MLLT3: variants seen among roughly 807,000 people sequenced by gnomAD.
MLLT3 encodes protein AF-9.
In MLLT3, 4 loss-of-function variants were observed where a neutral mutation model predicts 53.2. The ratio of observed to expected loss-of-function variants is 0.08; its 90% confidence interval spans 0.04 to 0.17. The LOEUF is 0.17. MLLT3 is among the 10% of genes least tolerant of loss of function. The pLI is 1.00. For missense variants in MLLT3, 569 were observed against 684.0 expected (o/e 0.83, Z 1.87); for synonymous variants, 283 against 230.6 (o/e 1.23, Z -2.06).
intron 2 of MLLT3, among the ~76,000 whole-genome samples, chr9:20,563,517 G>A (rs1013399438): frequency 6.6e-6 from 1 of 152,054 alleles, no homozygotes; most frequent in African/African-American, 2.4e-5. Context: ...TGCACAAGGA[G>A]AGAACAGCTC....
At chr9:20,435,035 C>T (rs1823367943) in intron 4 of MLLT3, among the ~76,000 whole-genome samples, 1 of 152,010 alleles carries the variant, frequency 6.6e-6, no homozygotes, top group South Asian at 2.1e-4. Flanking sequence ...TTGTTTTTGC[C>T]ATCCTTAGTC....
chr9:20,385,499 A>C (rs1822011784), intron 5 of MLLT3, among the ~76,000 whole-genome samples: 1 of 152,206 alleles, frequency 6.6e-6, no homozygotes, highest in South Asian at 2.1e-4. Context: ...AATTTTTACA[A>C]TAATTATGTT....
chr9:20,357,110 A>C (rs1250369717), intron 8 of MLLT3, among the ~76,000 whole-genome samples: 2 of 152,238 alleles, frequency 1.3e-5, no homozygotes, highest in African/African-American at 4.8e-5. Context: ...TGTCTTCCAC[A>C]GGCTTATTTT....
In MLLT3 at chr9:20,352,976, A is replaced by G. The variant is rs1821071891; in HGVS notation, c.1575+549T>C. 2.0e-5 allele frequency among the ~76,000 whole-genome samples: 3 copies of G among 152,128 alleles called. No homozygotes were observed. The South Asian group carries it at 6.2e-4, about 32-fold the overall frequency. On this transcript the variant is annotated intron_variant, in intron 10 of 10. Coordinates refer to ENST00000380338, the MANE Select transcript of MLLT3 (RefSeq NM_004529.4). Reference sequence around the variant, plus strand: ...TTATCTTCTCAAAACATCAAATTATACTAATAGAAGTTTCCCCACTCTACA... The same window carrying G: ...TTATCTTCTCAAAACATCAAATTATGCTAATAGAAGTTTCCCCACTCTACA...
rs370573981 is a variant in MLLT3, at chr9:20,456,826, T to C, written c.194-40A>G. On this transcript the variant is annotated intron_variant, in intron 2 of 10. Coordinates refer to ENST00000380338, the MANE Select transcript of MLLT3 (RefSeq NM_004529.4). Reference sequence around the variant, plus strand: ...AAGAAAATAGGTAAGATGAGAATAATAGACAAAAAGACATTCTTCTTTTAA... The same window carrying C: ...AAGAAAATAGGTAAGATGAGAATAACAGACAAAAAGACATTCTTCTTTTAA... The C allele has an allele frequency of 7.4e-4, 1,033 of 1,387,104 alleles. 2 individuals are homozygous for C. Among genetic ancestry groups the C allele is most frequent in the Non-Finnish European group, 8.7e-4 (882 of 1,009,856 alleles). 85.9% of individuals were successfully genotyped at this position (1,387,104 alleles called of 1,614,324 possible).
chr9:20,420,064 G>C (rs559576049), intron 4 of MLLT3, among the ~76,000 whole-genome samples: 29 of 151,886 alleles, frequency 1.9e-4, no homozygotes, highest in African/African-American at 6.8e-4. Context: ...TTATGTTAAA[G>C]TGGAATAAAA....
In MLLT3 at chr9:20,343,441, G is replaced by C; in HGVS notation, c.*3002C>G. On this transcript the variant is annotated 3_prime_UTR_variant, in exon 11 of 11. Coordinates refer to ENST00000380338, the MANE Select transcript of MLLT3 (RefSeq NM_004529.4). ...CTATTTGTCTGTATTAAGATTGAGA[G>C]AGAGGCAGATTATGCTGAGGATGGT... 1 of 222,498 alleles carries C rather than the reference G, an allele frequency of 4.5e-6. No homozygotes were observed. Among genetic ancestry groups the C allele is most frequent in the East Asian group, 6.5e-5 (1 of 15,338 alleles). 13.8% of individuals were successfully genotyped at this position (222,498 alleles called of 1,614,324 possible). A position where few individuals can be genotyped will look rare whatever the true frequency, so the allele number is the denominator to read the frequency against.
At chr9:20,360,706 T>C (rs373610305) in intron 8 of MLLT3, 36 bp downstream of exon 8, 42 of 1,512,174 alleles carry the variant, frequency 2.8e-5, no homozygotes, top group South Asian at 4.5e-5. Flanking sequence ...CACCTAGCTC[T>C]GCAGAGTCTT....
At chr9:20,522,520 T>G (rs1318195016) in intron 2 of MLLT3, among the ~76,000 whole-genome samples, 1 of 152,184 alleles carries the variant, frequency 6.6e-6, no homozygotes, top group Admixed American at 6.5e-5. Context: ...TTTACTACCC[T>G]TTTGAGGTCA....
chr9:20,566,412 T>C (rs1344842180), intron 2 of MLLT3, among the ~76,000 whole-genome samples: 1 of 152,124 alleles, frequency 6.6e-6, no homozygotes, highest in East Asian at 1.9e-4. Context: ...AATACACGCT[T>C]AGGACAAGTT....
intron 2 of MLLT3, among the ~76,000 whole-genome samples, chr9:20,501,802 C>A (rs1825241549): frequency 6.9e-6 from 1 of 144,422 alleles, no homozygotes; most frequent in South Asian, 2.2e-4. Context: ...CCCAAGAGGT[C>A]AGGCGAGGTG....
At chr9:20,368,731 TTTATTCATCATTTATGATTAAGA>T (rs1181856962) in intron 5 of MLLT3, among the ~76,000 whole-genome samples, 1 of 152,194 alleles carries the variant, frequency 6.6e-6, no homozygotes, top group African/African-American at 2.4e-5. Flanking sequence ...AAAAGGGCTT[TTTATTCATCATTTATGATTAAGA>T]CCTTGCCTCT....
intron 4 of MLLT3, among the ~76,000 whole-genome samples, chr9:20,438,848 T>A (rs1823473066): frequency 6.6e-6 from 1 of 152,204 alleles, no homozygotes; most frequent in Non-Finnish European, 1.5e-5. Flanking sequence ...TAAGGCCAAC[T>A]AAATTTTTAT....
chr9:20,505,489 A>G (rs1224848901), intron 2 of MLLT3, among the ~76,000 whole-genome samples: 3 of 152,260 alleles, frequency 2.0e-5, no homozygotes, highest in Non-Finnish European at 4.4e-5. Context: ...GAATAACAGA[A>G]TAAAAATGGA....
At chr9:20,497,497 T>C (rs1258917870) in intron 2 of MLLT3, among the ~76,000 whole-genome samples, 1 of 152,208 alleles carries the variant, frequency 6.6e-6, no homozygotes, top group Non-Finnish European at 1.5e-5. Flanking sequence ...CCTGTTCTTA[T>C]AATTATGCTG....
intron 2 of MLLT3, among the ~76,000 whole-genome samples, chr9:20,592,372 A>C (rs564647573): frequency 6.6e-6 from 1 of 152,348 alleles, no homozygotes; most frequent in South Asian, 2.1e-4. Context: ...CTCTAAGTCC[A>C]AGATGAAGAT....
intron 2 of MLLT3, among the ~76,000 whole-genome samples, chr9:20,578,823 T>G (rs954535434): frequency 6.6e-6 from 1 of 152,126 alleles, no homozygotes; most frequent in African/African-American, 2.4e-5. Flanking sequence ...TTCCAAAGGC[T>G]TCACCAAAAA....
intron 5 of MLLT3, among the ~76,000 whole-genome samples, chr9:20,385,463 T>C (rs1412915606): frequency 6.6e-6 from 1 of 152,164 alleles, no homozygotes; most frequent in Non-Finnish European, 1.5e-5. Context: ...TTTTCTTCTT[T>C]ATAAAACAAT....
chr9:20,442,809 T>C (rs942042329), intron 4 of MLLT3, among the ~76,000 whole-genome samples: 3 of 152,134 alleles, frequency 2.0e-5, no homozygotes, highest in Non-Finnish European at 4.4e-5. Context: ...CATATATAAA[T>C]GTAACTGTCA....
Sources: gnomAD v4.1 joint callset for allele counts (sites outside exome capture counted in the v4.1 genomes callset) on GRCh38, gnomAD v4.1.1 for gene constraint, MANE v1.5 for transcripts, NCBI Gene and HGNC (gene_info 2026-07-23, HGNC 2026-07-21) for gene names.